SOX5: variants seen among roughly 807,000 people sequenced by gnomAD.
SOX5 encodes SRY-box transcription factor 5.
A neutral mutation model predicts 92.0 loss-of-function variants in SOX5; 9 were observed. The observed-to-expected ratio is 0.10, with a 90% confidence interval of 0.06 to 0.17. SOX5 has a LOEUF of 0.17. SOX5 is among the 10% of genes least tolerant of loss of function. The pLI is 1.00. For synonymous variants in SOX5, 344 were observed against 336.3 expected (o/e 1.02, Z -0.25); for missense variants, 642 against 944.5 (o/e 0.68, Z 4.20).
intron 6 of SOX5, among the ~76,000 whole-genome samples, chr12:23,724,851 T>G (rs7968256): frequency 0.16 from 23,898 of 152,126 alleles, 2,668 homozygotes; most frequent in African/African-American, 0.31. Context: ...GAAGGACAGT[T>G]CAATCACATT....
intron 8 of SOX5, among the ~76,000 whole-genome samples, chr12:23,639,635 A>G (rs1025580740): frequency 1.3e-5 from 2 of 152,214 alleles, no homozygotes; most frequent in Admixed American, 6.5e-5. Context: ...AGACATTTCC[A>G]GCTCAAAGAA....
chr12:24,411,575 T>G (rs1684040169), intron 1 of SOX5, among the ~76,000 whole-genome samples: 1 of 152,230 alleles, frequency 6.6e-6, no homozygotes, highest in South Asian at 2.1e-4. Context: ...GTGTGATGTT[T>G]CTTCTTTAGG....
rs540269391 is a variant in SOX5 at position 24,354,862 on chromosome 12, A to G, written c.-174+13701T>C. 3.3e-5 allele frequency among the ~76,000 whole-genome samples: 5 copies of G among 152,332 alleles called. No homozygotes were observed. The South Asian group carries it at 1.0e-3, about 32-fold the overall frequency. ...TGATTAAATTTGTGCGACTGGTATC[A>G]TGAAATAAGAGGCCCAATCAAGGAT... On this transcript the variant is annotated intron_variant, in intron 2 of 4. Transcript: ENST00000446891.
intron 4 of SOX5, among the ~76,000 whole-genome samples, chr12:24,026,855 G>C (rs544165453): frequency 6.6e-6 from 1 of 152,044 alleles, no homozygotes; most frequent in Admixed American, 6.6e-5. Context: ...TATAAAATCT[G>C]AGGCCACAGT....
chr12:24,244,786 G>A (rs567315840), intron 3 of SOX5, among the ~76,000 whole-genome samples: 5 of 152,254 alleles, frequency 3.3e-5, no homozygotes, highest in East Asian at 3.9e-4. Context: ...TCCGCCTCCT[G>A]AGTTCAAGCA....
chr12:23,804,915 T>TTATA (rs528741802), intron 3 of SOX5, among the ~76,000 whole-genome samples: 1,029 of 74,606 alleles, frequency 0.014, 15 homozygotes, highest in Non-Finnish European at 0.017. Flanking sequence ...TATCATTGTT[T>TTATA]TATATATATA....
intron 2 of SOX5, among the ~76,000 whole-genome samples, chr12:24,319,045 A>T (rs1482568574): frequency 6.6e-6 from 1 of 152,058 alleles, no homozygotes; most frequent in Non-Finnish European, 1.5e-5. Context: ...GTGTCTTCTC[A>T]CTCAAGCCAC....
At chr12:23,890,895 C>T (rs1447501054) in intron 2 of SOX5, among the ~76,000 whole-genome samples, 1 of 152,066 alleles carries the variant, frequency 6.6e-6, no homozygotes, top group Admixed American at 6.6e-5. Context: ...TCAGGACTGC[C>T]TTTTCACTAA....
At chr12:23,718,420 AAG>A (rs1223749189) in intron 6 of SOX5, among the ~76,000 whole-genome samples, 10 of 152,202 alleles carry the variant, frequency 6.6e-5, no homozygotes, top group Admixed American at 3.3e-4. Context: ...TGCATACAGA[AAG>A]AGAGATTGGA....
chr12:24,434,646 G>A (rs1459156962), intron 1 of SOX5, among the ~76,000 whole-genome samples: 1 of 152,124 alleles, frequency 6.6e-6, no homozygotes, highest in Non-Finnish European at 1.5e-5. Flanking sequence ...CCTTGGTGTT[G>A]TCATCATGAT....
At chr12:23,570,918 AAAAAAAAAAAAAATATATAT>A (rs1948098789) in intron 10 of SOX5, among the ~76,000 whole-genome samples, 6 of 34,416 alleles carry the variant, frequency 1.7e-4, no homozygotes, top group South Asian at 9.9e-4. Context: ...CTCAAAAAAA[AAAAAAAAAAAAAATATATAT>A]ATATATATAT....
At chr12:24,006,783 A>G (rs919750361) in intron 4 of SOX5, among the ~76,000 whole-genome samples, 2 of 152,004 alleles carry the variant, frequency 1.3e-5, no homozygotes, top group African/African-American at 4.8e-5. Flanking sequence ...GACAGAAAAG[A>G]TCTATTGATT....
chr12:23,914,714 A>C (rs1193018852), intron 1 of SOX5, among the ~76,000 whole-genome samples: 2 of 152,164 alleles, frequency 1.3e-5, no homozygotes, highest in East Asian at 3.8e-4. Flanking sequence ...CTGTACTAGT[A>C]GTTCACATTT....
At chr12:23,587,413 C>T (rs1458074704) in intron 9 of SOX5, among the ~76,000 whole-genome samples, 4 of 152,164 alleles carry the variant, frequency 2.6e-5, no homozygotes, top group South Asian at 4.1e-4. Context: ...TAAGCTTAGG[C>T]AACTTTTCAA....
At chr12:24,432,993 GC>G in intron 1 of SOX5, among the ~76,000 whole-genome samples, 1 of 152,228 alleles carries the variant, frequency 6.6e-6, no homozygotes, top group South Asian at 2.1e-4. Flanking sequence ...TTTTAGCTCA[GC>G]AGTGATTTCT....
chr12:23,983,842 A>G (rs1457835430), intron 4 of SOX5, among the ~76,000 whole-genome samples: 1 of 152,194 alleles, frequency 6.6e-6, no homozygotes, highest in Non-Finnish European at 1.5e-5. Context: ...AAAGTTTACA[A>G]TATTATCCTC....
At chr12:23,661,843 G>T (rs993938497) in intron 7 of SOX5, among the ~76,000 whole-genome samples, 8 of 152,072 alleles carry the variant, frequency 5.3e-5, no homozygotes, top group Non-Finnish European at 1.2e-4. Flanking sequence ...TAGTTACTTA[G>T]TTGTTCAAAC....
At chr12:24,406,129 G>T (rs1411032188) in intron 1 of SOX5, among the ~76,000 whole-genome samples, 1 of 152,138 alleles carries the variant, frequency 6.6e-6, no homozygotes, top group Non-Finnish European at 1.5e-5. Flanking sequence ...GCCCATGAAG[G>T]TTCATAAGAG....
At chr12:24,477,083 C>A (rs1196325658) in intron 1 of SOX5, among the ~76,000 whole-genome samples, 2 of 148,004 alleles carry the variant, frequency 1.4e-5, no homozygotes, top group African/African-American at 5.0e-5. Flanking sequence ...TTCCAAAATT[C>A]ATACCATACT....
Sources: allele counts gnomAD v4.1 joint callset (sites outside exome capture counted in the v4.1 genomes callset), GRCh38; gene constraint gnomAD v4.1.1; transcripts MANE v1.5; gene names NCBI Gene and HGNC (gene_info 2026-07-23, HGNC 2026-07-21).